GFRA1: variants seen among roughly 807,000 people sequenced by gnomAD.
GFRA1 encodes the protein GDNF family receptor alpha 1.
A neutral mutation model predicts 51.6 loss-of-function variants in GFRA1; 16 were observed. That is an observed-to-expected ratio of 0.31 (90% CI 0.21 to 0.47). GFRA1 has a LOEUF of 0.47. Among genes scored for constraint, GFRA1 ranks in the 20% least tolerant of loss-of-function variants. The pLI is 1.00. For synonymous variants in GFRA1, 270 were observed against 241.3 expected, an observed-to-expected ratio of 1.12 and a Z score of -1.10; for missense variants, 530 against 594.3, an observed-to-expected ratio of 0.89 and a Z score of 1.13.
chr10:116,171,796 G>T (rs1356762040), intron 5 of GFRA1, among the ~76,000 whole-genome samples: 1 of 152,118 alleles, frequency 6.6e-6, no homozygotes, highest in Non-Finnish European at 1.5e-5. Flanking sequence ...ATCTCCCATG[G>T]TCTCTGAGGT....
chr10:116,097,138 G>A (rs943694009), intron 6 of GFRA1, among the ~76,000 whole-genome samples: 8 of 80,642 alleles, frequency 9.9e-5, no homozygotes, highest in South Asian at 7.2e-4. Context: ...CACACTCACC[G>A]GAGATCCACA....
At chr10:116,171,073 A>G (rs1960974891) in intron 5 of GFRA1, among the ~76,000 whole-genome samples, 1 of 152,180 alleles carries the variant, frequency 6.6e-6, no homozygotes, top group Non-Finnish European at 1.5e-5. Context: ...ACTGCATCCT[A>G]TTTTCATGTA....
chr10:116,197,265 C>T (rs541425932), intron 5 of GFRA1, among the ~76,000 whole-genome samples: 49 of 152,156 alleles, frequency 3.2e-4, no homozygotes, highest in African/African-American at 1.0e-3. Flanking sequence ...CAAAAAGGCA[C>T]CAGAGACCTG....
Position 116,125,702 on chromosome 10 carries a change from C to T in GFRA1, c.434-145G>A, listed in dbSNP as rs1957843071. 1.9e-5 allele frequency: 13 copies of T among 692,562 alleles called. No individual in the cohort carries two copies. The Admixed American group carries it at 2.8e-4, about 15-fold the overall frequency. The allele number at this position is 692,562 out of a possible 1,614,324, so 42.9% of individuals were successfully genotyped here. The stretch of plus-strand genomic sequence containing the variant: ...AGTTTTGAAGCTAATAACTTAATGA[C>T]TTCATGACAAGAGAAAGTGCTAGGA... On this transcript the variant is annotated intron_variant, in intron 5 of 10. Coordinates refer to ENST00000355422, the MANE Select transcript of GFRA1 (RefSeq NM_005264.8).
intron 5 of GFRA1, among the ~76,000 whole-genome samples, chr10:116,184,771 A>C (rs1434446084): frequency 6.6e-6 from 1 of 152,186 alleles, no homozygotes; most frequent in East Asian, 1.9e-4. Context: ...TCCTGGGAAA[A>C]TAGGTCACAT....
intron 6 of GFRA1, among the ~76,000 whole-genome samples, chr10:116,099,018 G>A (rs1257173356): frequency 2.0e-5 from 3 of 152,182 alleles, no homozygotes; most frequent in African/African-American, 4.8e-5. Flanking sequence ...GAGCACATGA[G>A]GCACTGTTAA....
chr10:116,101,188 C>CTGTAATCAA (rs1956804968), intron 6 of GFRA1, among the ~76,000 whole-genome samples: 1 of 152,184 alleles, frequency 6.6e-6, no homozygotes, highest in Non-Finnish European at 1.5e-5. Flanking sequence ...ATGAATCACA[C>CTGTAATCAA]TGTAATCAAT....
chr10:116,117,033 T>C (rs1957438619), intron 6 of GFRA1, among the ~76,000 whole-genome samples: 1 of 152,092 alleles, frequency 6.6e-6, no homozygotes, highest in African/African-American at 2.4e-5. Flanking sequence ...CATCTGGAAA[T>C]AGTGACAGAA....
At chr10:116,247,934 A>G (rs1967999782) in intron 4 of GFRA1, among the ~76,000 whole-genome samples, 1 of 152,192 alleles carries the variant, frequency 6.6e-6, no homozygotes, top group Non-Finnish European at 1.5e-5. Flanking sequence ...CACTTATGCC[A>G]TGATACTTTA....
intron 4 of GFRA1, among the ~76,000 whole-genome samples, chr10:116,225,534 CAAAAAAAAAAAAAAAAA>C (rs756377767): frequency 3.1e-5 from 2 of 63,952 alleles, no homozygotes; most frequent in Non-Finnish European, 5.2e-5. Context: ...AGTCTGTCTC[CAAAAAAAAAAAAAAAAA>C]AAAAAAAAAC....
intron 5 of GFRA1, among the ~76,000 whole-genome samples, chr10:116,146,424 T>C (rs960028159): frequency 6.6e-6 from 1 of 152,242 alleles, no homozygotes; most frequent in African/African-American, 2.4e-5. Flanking sequence ...GTTTAATGAT[T>C]TGATTTATTA....
upstream of GFRA1, among the ~76,000 whole-genome samples, chr10:116,273,680 TCTCTCTCTCTCTCTCA>T (rs2134857596): frequency 8.2e-6 from 1 of 122,698 alleles, no homozygotes; most frequent in African/African-American, 3.3e-5. Context: ...TGTCTCTCTC[TCTCTCTCTCTCTCTCA>T]CACACACACA....
At chr10:116,104,561 C>G (rs2133942480) in intron 6 of GFRA1, among the ~76,000 whole-genome samples, 1 of 152,338 alleles carries the variant, frequency 6.6e-6, no homozygotes, top group East Asian at 1.9e-4. Context: ...TGCGTCCTGC[C>G]TTGGGTATCT....
chr10:116,111,834 C>T (rs191292519), intron 6 of GFRA1, among the ~76,000 whole-genome samples: 27 of 152,320 alleles, frequency 1.8e-4, no homozygotes, highest in African/African-American at 3.4e-4. Flanking sequence ...TGGAGATCCA[C>T]GGCCCCAGAG....
chr10:116,270,898 G>A lies in GFRA1; in HGVS notation c.258C>T (p.Asn86=). 6.2e-7 allele frequency: 1 copy of A among 1,614,078 alleles called. No individual in the cohort carries two copies. Among genetic ancestry groups the A allele is most frequent in the Non-Finnish European group, 8.5e-7 (1 of 1,180,020 alleles). The part of the protein sequence containing the change: ...MEALKQKSLY[N]CRCKRGMKKE... ...TCTTCATACCCCGCTTGCAGCGGCA[G>A]TTGTAGAGCGACTTCTGCTTCAGGG... The change falls in exon 3 of 11, where the codon AAC becomes AAT. Residue 86 remains asparagine (N), a synonymous_variant. Coordinates refer to ENST00000355422, the MANE Select transcript of GFRA1 (RefSeq NM_005264.8).
rs55780139 is a variant in GFRA1, at chr10:116,205,926, T to TCACACACACACACA, written c.433+5691_433+5704dup. Among the ~76,000 whole-genome samples the TCACACACACACACA allele has an allele frequency of 2.3e-3, 327 of 142,570 alleles. 2 individuals carry two copies. The highest frequency in any genetic ancestry group is 7.6e-3 in the African/African-American group (295 of 38,826). 93.5% of individuals were successfully genotyped at this position (142,570 alleles called of 152,430 possible). A position where few individuals can be genotyped will look rare whatever the true frequency, so the allele number is the denominator to read the frequency against. On this transcript the variant is annotated intron_variant, in intron 5 of 10. Transcript: ENST00000355422. ...AAATCTGGTTATCATTTTCCTCATA[T>TCACACACACACACA]CACACACACACACACACACACACAC...
At chr10:116,247,804 C>A (rs1207230106) in intron 4 of GFRA1, among the ~76,000 whole-genome samples, 1 of 152,150 alleles carries the variant, frequency 6.6e-6, no homozygotes, top group East Asian at 1.9e-4. Context: ...GTATCATCTG[C>A]CCTCCTCTAG....
chr10:116,163,556 T>C (rs955209506), intron 5 of GFRA1, among the ~76,000 whole-genome samples: 4 of 152,190 alleles, frequency 2.6e-5, no homozygotes, highest in African/African-American at 9.7e-5. Flanking sequence ...TACAATTTGC[T>C]CATTGGAAGC....
At chr10:116,110,860 C>T (rs60525787) in intron 6 of GFRA1, among the ~76,000 whole-genome samples, 3,231 of 152,286 alleles carry the variant, frequency 0.021, 119 homozygotes, top group African/African-American at 0.074. Flanking sequence ...ACCACCTGCC[C>T]TTGCCTATGA....
Sources: allele counts gnomAD v4.1 joint callset (sites outside exome capture counted in the v4.1 genomes callset), GRCh38; gene constraint gnomAD v4.1.1; transcripts MANE v1.5; gene names NCBI Gene and HGNC (gene_info 2026-07-23, HGNC 2026-07-21).